Variants in PDE4D observed in about 807,000 individuals in gnomAD.
PDE4D encodes 3',5'-cyclic-AMP phosphodiesterase 4D.
In PDE4D, 24 loss-of-function variants were observed where a neutral mutation model predicts 87.4. The observed-to-expected ratio is 0.27, with a 90% CI of 0.20 to 0.39. The LOEUF is 0.39. Ranked by LOEUF, PDE4D falls within the 10% of genes least tolerant of loss-of-function variation. The pLI, the probability that PDE4D is intolerant of heterozygous loss-of-function variation, is 1.00. For missense variants in PDE4D, 714 were observed against 1,041.0 expected, an observed-to-expected ratio of 0.69 and a Z score of 4.32; for synonymous variants, 384 against 383.2, an observed-to-expected ratio of 1.00 and a Z score of -0.02.
intron 1 of PDE4D, among the ~76,000 whole-genome samples, chr5:59,326,440 C>A (rs374229293): frequency 5.9e-5 from 9 of 151,624 alleles, no homozygotes; most frequent in Admixed American, 5.9e-4. Flanking sequence ...AGTAGCCCCC[C>A]CCAAGACACA....
intron 1 of PDE4D, among the ~76,000 whole-genome samples, chr5:59,802,564 A>T (rs1198775310): frequency 6.6e-6 from 1 of 151,798 alleles, no homozygotes; most frequent in African/African-American, 2.4e-5. Context: ...ACGCTCAGCT[A>T]ATTTTTGTAT....
intron 1 of PDE4D, among the ~76,000 whole-genome samples, chr5:59,574,009 T>A (rs201956119): frequency 0.62 from 60,117 of 97,450 alleles, 19,116 homozygotes; most frequent in Admixed American, 0.7. Context: ...AAAAAAAATA[T>A]ATATATATAT....
chr5:59,665,005 A>T (rs1358197629), intron 1 of PDE4D, among the ~76,000 whole-genome samples: 1 of 152,234 alleles, frequency 6.6e-6, no homozygotes, highest in South Asian at 2.1e-4. Flanking sequence ...TAACGTAATG[A>T]TTCTTTTCAT....
At position 59,396,769 on chromosome 5, in the gene PDE4D, T is replaced by C. The variant is rs1187808118; in HGVS notation, c.456-180801A>G. ...AATGTAAATGGACTAAATGCTCCAA[T>C]TAAAAGACACAGACTGGCAAATTGG... On this transcript the variant is annotated intron_variant, in intron 1 of 14. Transcript: ENST00000340635. 1.7e-5 allele frequency among the ~76,000 whole-genome samples: 2 copies of C among 118,334 alleles called. 1 individual carries two copies. Among genetic ancestry groups the C allele is most frequent in the Non-Finnish European group, 3.6e-5 (2 of 56,122 alleles). The allele number at this position is 118,334 out of a possible 152,430, so 77.6% of individuals were successfully genotyped here.
At chr5:59,008,796 T>G (rs1314534073) in intron 6 of PDE4D, among the ~76,000 whole-genome samples, 5 of 151,928 alleles carry the variant, frequency 3.3e-5, no homozygotes, top group African/African-American at 1.2e-4. Context: ...GCCACAGACT[T>G]GAGAAGGGAA....
chr5:59,357,061 T>A (rs1012513207), intron 1 of PDE4D: 2 of 459,324 alleles, frequency 4.4e-6, no homozygotes, highest in Non-Finnish European at 7.4e-6. Flanking sequence ...ACACTTGGCC[T>A]TTGCGACAGA....
chr5:59,529,608 G>A (rs1478776714), intron 1 of PDE4D, among the ~76,000 whole-genome samples: 1 of 152,122 alleles, frequency 6.6e-6, no homozygotes, highest in Non-Finnish European at 1.5e-5. Flanking sequence ...AAAAAAGTTT[G>A]TTTCCTTCCC....
chr5:59,054,918 C>T (rs532579408), intron 5 of PDE4D, among the ~76,000 whole-genome samples: 1 of 152,180 alleles, frequency 6.6e-6, no homozygotes, highest in Non-Finnish European at 1.5e-5. Flanking sequence ...AAAACTCTCC[C>T]TCTACTTCTC....
chr5:60,024,370 A>G (rs1259046219), intron 2 of PDE4D, among the ~76,000 whole-genome samples: 1 of 152,224 alleles, frequency 6.6e-6, no homozygotes, highest in Non-Finnish European at 1.5e-5. Flanking sequence ...AGCTAGTCTG[A>G]AAATAGCAAT....
chr5:59,901,471 C>G (rs375565118), intron 3 of PDE4D, among the ~76,000 whole-genome samples: 1 of 152,082 alleles, frequency 6.6e-6, no homozygotes, highest in East Asian at 1.9e-4. Flanking sequence ...TTTGGAACTT[C>G]TATTCAAGAG....
chr5:60,361,603 G>A (rs1760075583), intron 1 of PDE4D, among the ~76,000 whole-genome samples: 1 of 152,164 alleles, frequency 6.6e-6, no homozygotes, highest in Non-Finnish European at 1.5e-5. Flanking sequence ...GGCACACTGA[G>A]TTCTGTTCAA....
intron 2 of PDE4D, among the ~76,000 whole-genome samples, chr5:60,051,483 A>T (rs930602101): frequency 1.3e-5 from 2 of 152,216 alleles, no homozygotes; most frequent in Non-Finnish European, 2.9e-5. Context: ...AGTTCTTTGA[A>T]ACCAGTGAGA....
intron 6 of PDE4D, among the ~76,000 whole-genome samples, chr5:59,020,286 C>T (rs149799158): frequency 0.039 from 5,970 of 151,984 alleles, 142 homozygotes; most frequent in Admixed American, 0.057. Flanking sequence ...ACCAGCCTGG[C>T]CAACATGGTG....
At chr5:59,256,397 C>T (rs1414797369) in intron 1 of PDE4D, among the ~76,000 whole-genome samples, 3 of 152,060 alleles carry the variant, frequency 2.0e-5, no homozygotes, top group East Asian at 1.9e-4. Context: ...CATTATGTGG[C>T]TTCTCGAGTG....
At chr5:59,126,375 T>C (rs1455161219) in intron 5 of PDE4D, among the ~76,000 whole-genome samples, 1 of 152,190 alleles carries the variant, frequency 6.6e-6, no homozygotes, top group African/African-American at 2.4e-5. Context: ...GTTAAGAGTA[T>C]ATAGTAAATG....
intron 1 of PDE4D, among the ~76,000 whole-genome samples, chr5:59,614,438 G>T (rs1829398558): frequency 6.6e-6 from 1 of 152,058 alleles, no homozygotes; most frequent in Non-Finnish European, 1.5e-5. Context: ...TGAGAAAAGT[G>T]AATTTAAAAA....
At chr5:59,570,543 T>C (rs898598091) in intron 1 of PDE4D, among the ~76,000 whole-genome samples, 1 of 152,092 alleles carries the variant, frequency 6.6e-6, no homozygotes, top group Non-Finnish European at 1.5e-5. Flanking sequence ...GCTCTTAAAA[T>C]CATGTTATTG....
At chr5:59,560,875 G>A (rs888879851) in intron 1 of PDE4D, 1 of 152,218 alleles carries the variant, frequency 6.6e-6, no homozygotes, top group African/African-American at 2.4e-5. Context: ...AAAAGGTCTT[G>A]TTGGAGAGTT....
chr5:59,839,488 A>T (rs1296167531), intron 1 of PDE4D, among the ~76,000 whole-genome samples: 2 of 151,420 alleles, frequency 1.3e-5, no homozygotes, highest in South Asian at 4.2e-4. Flanking sequence ...TTACCATTCA[A>T]TTTTGCTTTT....
Sources: allele counts gnomAD v4.1 joint callset (sites outside exome capture counted in the v4.1 genomes callset), GRCh38; gene constraint gnomAD v4.1.1; transcripts MANE v1.5; gene names NCBI Gene and HGNC (gene_info 2026-07-23, HGNC 2026-07-21).